PARVB: variants seen among roughly 807,000 people sequenced by gnomAD.
PARVB encodes the protein parvin beta.
Under a neutral mutation model 47.0 loss-of-function variants are expected in PARVB, and 46 were observed. That is an observed-to-expected ratio of 0.98 (90% confidence interval 0.77 to 1.25). PARVB has a LOEUF of 1.25. Ranked by LOEUF, PARVB falls within the 50% of genes most tolerant of loss-of-function variation. PARVB has a pLI of 0.00. For synonymous variants in PARVB, 196 were observed against 196.3 expected (o/e 1.00, Z 0.01); for missense variants, 473 against 471.6 (o/e 1.00, Z -0.03).
chr22:44,024,641 TG>T (rs1280592014), intron 1 of PARVB, among the ~76,000 whole-genome samples, 190 bp downstream of exon 1: 1 of 151,796 alleles, frequency 6.6e-6, no homozygotes, highest in Admixed American at 6.5e-5. Context: ...ACCTGGCGCG[TG>T]GGGCCGCGGT....
At chr22:44,093,490 A>G (rs1016292186) in intron 1 of PARVB, among the ~76,000 whole-genome samples, 2 of 152,186 alleles carry the variant, frequency 1.3e-5, no homozygotes, top group African/African-American at 4.8e-5. Flanking sequence ...ACCTGTATGC[A>G]TGACCGGAGG....
chr22:44,033,566 C>T (rs1450758895), intron 1 of PARVB, among the ~76,000 whole-genome samples: 1 of 152,140 alleles, frequency 6.6e-6, no homozygotes, highest in African/African-American at 2.4e-5. Flanking sequence ...GAGGCCTGCT[C>T]CTTTAAGCTT....
chr22:44,020,185 T>G (rs551218312), upstream of PARVB, among the ~76,000 whole-genome samples: 1 of 151,902 alleles, frequency 6.6e-6, no homozygotes, highest in East Asian at 1.9e-4. Context: ...ACTTTTTTTT[T>G]TTTTTTTTTG....
chr22:44,148,590 C>G (rs1569154602), intron 9 of PARVB: 1 of 157,938 alleles, frequency 6.3e-6, no homozygotes, highest in Admixed American at 5.9e-5. Flanking sequence ...TCATTTCAAC[C>G]CATGGTGCAG....
chr22:44,063,638 G>C (rs60456054), intron 1 of PARVB, among the ~76,000 whole-genome samples: 19,558 of 152,086 alleles, frequency 0.13, 1,665 homozygotes, highest in Middle Eastern at 0.22. Context: ...GGGTTAGTGG[G>C]GTTGGGGAGT....
chr22:44,104,921 A>G (rs2052533926), intron 3 of PARVB: 1 of 152,288 alleles, frequency 6.6e-6, no homozygotes, highest in South Asian at 2.1e-4. Context: ...CCTCACAGTT[A>G]CAGTTTCTGA....
rs550008257 is a variant in PARVB, at chr22:44,084,349, C to A, written c.113-9579C>A. Among the ~76,000 whole-genome samples the A allele has an allele frequency of 7.2e-5, 11 of 152,306 alleles. No individual in the cohort carries two copies. The South Asian group carries it at 2.3e-3, about 32-fold the overall frequency. On this transcript the variant is annotated intron_variant, in intron 1 of 12. Transcript: ENST00000338758. ...GAGGGGTGGCTCTCTCTGAGGGAGG[C>A]TGAGTCTTGTTTGCCTGAAAGGATC...
upstream of PARVB, among the ~76,000 whole-genome samples, chr22:44,022,909 G>A (rs936558505): frequency 9.9e-5 from 15 of 151,742 alleles, no homozygotes; most frequent in Admixed American, 4.6e-4. Context: ...ACCATGCCCC[G>A]ATAATTTTTG....
chr22:44,137,560 C>A (rs1233200388), intron 7 of PARVB, among the ~76,000 whole-genome samples: 1 of 152,218 alleles, frequency 6.6e-6, no homozygotes, highest in Non-Finnish European at 1.5e-5. Flanking sequence ...TTGCTGCTCA[C>A]AATTCTGTGG....
At chr22:44,059,335 T>C (rs2051378450) in intron 1 of PARVB, among the ~76,000 whole-genome samples, 3 of 152,116 alleles carry the variant, frequency 2.0e-5, no homozygotes, top group African/African-American at 7.2e-5. Context: ...CATGAGCCTC[T>C]GTGCCCAGCC....
intron 1 of PARVB, among the ~76,000 whole-genome samples, chr22:44,092,533 G>A (rs1431665838): frequency 6.6e-6 from 1 of 152,144 alleles, no homozygotes; most frequent in African/African-American, 2.4e-5. Context: ...GGCATCCTTG[G>A]GCCCTGCTGC....
At chr22:44,086,645 T>G in intron 1 of PARVB, 1 of 577,436 alleles carries the variant, frequency 1.7e-6, no homozygotes, top group East Asian at 1.4e-4. Flanking sequence ...GATGTTTTTA[T>G]TCTGATTTAG....
At chr22:44,046,333 C>T (rs1463324545) in intron 1 of PARVB, among the ~76,000 whole-genome samples, 1 of 152,234 alleles carries the variant, frequency 6.6e-6, no homozygotes, top group East Asian at 1.9e-4. Context: ...CTTAGCACAA[C>T]AGAGCTGCTC....
At chr22:44,124,567 T>A (rs1185810676) in intron 4 of PARVB, among the ~76,000 whole-genome samples, 2 of 145,088 alleles carry the variant, frequency 1.4e-5, no homozygotes, top group African/African-American at 5.6e-5. Flanking sequence ...TCCTGGAGGG[T>A]CAGTCCCACA....
At chr22:44,118,194 G>T (rs1365133126) in intron 3 of PARVB, among the ~76,000 whole-genome samples, 2 of 152,164 alleles carry the variant, frequency 1.3e-5, no homozygotes, top group African/African-American at 4.8e-5. Context: ...ACAAAATGTG[G>T]TCCCCCATGA....
intron 12 of PARVB, among the ~76,000 whole-genome samples, chr22:44,167,841 T>C (rs920149617): frequency 2.6e-5 from 4 of 152,200 alleles, no homozygotes; most frequent in African/African-American, 7.2e-5. Flanking sequence ...TGGTCCTCTT[T>C]GTAAAACGAG....
intron 12 of PARVB, 73 bp downstream of exon 12, chr22:44,164,003 C>A: frequency 8.6e-7 from 1 of 1,165,922 alleles, no homozygotes; most frequent in Non-Finnish European, 1.2e-6. Flanking sequence ...CTAGAAGTGG[C>A]TGGAAGGCTG....
intron 1 of PARVB, among the ~76,000 whole-genome samples, chr22:44,080,830 G>C (rs188943853): frequency 2.0e-5 from 3 of 152,226 alleles, no homozygotes; most frequent in African/African-American, 7.2e-5. Context: ...CTCAGTCCAG[G>C]CGTCATGTTG....
At chr22:44,151,029 C>CAAAAAAAAAG (rs2053794181) in intron 9 of PARVB, 1 of 51,670 alleles carries the variant, frequency 1.9e-5, no homozygotes, top group Non-Finnish European at 3.4e-5. Context: ...GAGACTGTCT[C>CAAAAAAAAAG]AAAAAAAAAA....
Sources: gnomAD v4.1 joint callset for allele counts (sites outside exome capture counted in the v4.1 genomes callset) on GRCh38, gnomAD v4.1.1 for gene constraint, MANE v1.5 for transcripts, NCBI Gene and HGNC (gene_info 2026-07-23, HGNC 2026-07-21) for gene names.